Variants in DNAJC24 observed in about 807,000 individuals in gnomAD.
DNAJC24 encodes dnaJ homolog subfamily C member 24.
In DNAJC24, 17 loss-of-function variants were observed where a neutral mutation model predicts 18.0. The ratio of observed to expected loss-of-function variants is 0.94; its 90% CI spans 0.65 to 1.42. The LOEUF (loss-of-function observed/expected upper bound fraction) is 1.42, where lower values mean the gene tolerates loss of function less well. DNAJC24 is among the 40% of genes most tolerant of loss of function. The pLI is 0.00. For missense variants in DNAJC24, 158 were observed against 175.6 expected, an observed-to-expected ratio of 0.90 and a Z score of 0.57; for synonymous variants, 55 against 57.7, an observed-to-expected ratio of 0.95 and a Z score of 0.21.
chr11:31,431,485 G>A lies in DNAJC24; in HGVS notation c.*1084G>A, dbSNP rs1952923631. On this transcript the variant is annotated 3_prime_UTR_variant, in exon 5 of 5. Coordinates refer to ENST00000465995, the MANE Select transcript of DNAJC24 (RefSeq NM_181706.5). The stretch of plus-strand genomic sequence containing the variant: ...TTTAAAAATAATGACTTGGAAGTTG[G>A]TGCATTATTTCCCCTTTTATTTTGG... The A allele has an allele frequency of 6.6e-6, 1 of 150,514 alleles. No individual in the cohort carries two copies. Among genetic ancestry groups the A allele is most frequent in the African/African-American group, 2.4e-5 (1 of 41,046 alleles). The allele number at this position is 150,514 out of a possible 1,614,324, so 9.3% of individuals were successfully genotyped here.
rs1470174057 is a variant in DNAJC24, at chr11:31,432,521, G to A, written c.*2120G>A. The A allele has an allele frequency of 2.5e-6, 4 of 1,612,364 alleles. No individual in the cohort carries two copies. The East Asian group carries it at 6.7e-5, about 27-fold the overall frequency. On this transcript the variant is annotated 3_prime_UTR_variant, in exon 5 of 5. Coordinates refer to ENST00000465995, the MANE Select transcript of DNAJC24 (RefSeq NM_181706.5). ...CTTACTAATCATCAGAAAATCTGTG[G>A]CCATTAGGGCTGGCACGTAAAAATC...
chr11:31,398,556 TA>T (rs1952566915), intron 2 of DNAJC24, among the ~76,000 whole-genome samples: 1 of 152,240 alleles, frequency 6.6e-6, no homozygotes, highest in African/African-American at 2.4e-5. Context: ...GAAACAGTTT[TA>T]GCATTGATTC....
chr11:31,402,623 C>T (rs954123588), intron 2 of DNAJC24, among the ~76,000 whole-genome samples: 25 of 152,098 alleles, frequency 1.6e-4, no homozygotes, highest in Non-Finnish European at 2.1e-4. Flanking sequence ...CACCTCCCAC[C>T]TCAGCCTCTT....
chr11:31,426,095 A>G (rs1952858774), intron 3 of DNAJC24, among the ~76,000 whole-genome samples, 192 bp from the exon 4 acceptor site: 1 of 152,190 alleles, frequency 6.6e-6, no homozygotes, highest in African/African-American at 2.4e-5. Flanking sequence ...AAGAAATGTT[A>G]TGTTCTAGAT....
At chr11:31,395,056 G>A (rs1282686597) in intron 2 of DNAJC24, among the ~76,000 whole-genome samples, 3 of 152,022 alleles carry the variant, frequency 2.0e-5, no homozygotes, top group Non-Finnish European at 4.4e-5. Context: ...AGTAGGAACT[G>A]GTGTCTATTG....
At chr11:31,373,643 GC>G (rs1466588459) in intron 2 of DNAJC24, among the ~76,000 whole-genome samples, 1 of 134,710 alleles carries the variant, frequency 7.4e-6, no homozygotes, top group Non-Finnish European at 1.7e-5. Context: ...AAAAAATCTT[GC>G]TTGAGTTTTC....
At chr11:31,376,299 G>T (rs749876934) in intron 2 of DNAJC24, among the ~76,000 whole-genome samples, 32 of 152,150 alleles carry the variant, frequency 2.1e-4, no homozygotes, top group Non-Finnish European at 4.0e-4. Context: ...TTTATCTGCA[G>T]TGTGAAAATG....
At chr11:31,397,066 C>G (rs992657785) in intron 2 of DNAJC24, among the ~76,000 whole-genome samples, 31 of 152,178 alleles carry the variant, frequency 2.0e-4, no homozygotes, top group African/African-American at 7.2e-4. Flanking sequence ...CCCAACTTAT[C>G]CAAGTGAAAA....
chr11:31,370,496 A>G (rs998881845), intron 1 of DNAJC24, among the ~76,000 whole-genome samples: 4 of 152,134 alleles, frequency 2.6e-5, no homozygotes, highest in African/African-American at 9.7e-5. Context: ...ATTAAAGTAT[A>G]AATATATATC....
At chr11:31,371,647 T>C (rs1206628946) in intron 2 of DNAJC24, among the ~76,000 whole-genome samples, 7 of 152,130 alleles carry the variant, frequency 4.6e-5, no homozygotes. Context: ...ACTGGCTATT[T>C]TGTGTTTTAT....
intron 2 of DNAJC24, among the ~76,000 whole-genome samples, chr11:31,386,451 C>T (rs542146328): frequency 7.3e-6 from 1 of 136,724 alleles, no homozygotes; most frequent in Non-Finnish European, 1.6e-5. Context: ...CTGAGGCCCC[C>T]CATTCTAGGC....
chr11:31,383,481 A>G lies in DNAJC24; in HGVS notation c.111+12622A>G, dbSNP rs537084133. Among the ~76,000 whole-genome samples the G allele has an allele frequency of 3.3e-5, 5 of 152,350 alleles. No individual in the cohort carries two copies. The East Asian group carries it at 7.7e-4, about 23-fold the overall frequency. On this transcript the variant is annotated intron_variant, in intron 2 of 4. Transcript: ENST00000465995. ...TATTATAATATTATAGGTTATATTC[A>G]TGAAACTTCAGATACTGTACTTCAT...
At chr11:31,387,569 A>G (rs1232803727) in intron 2 of DNAJC24, among the ~76,000 whole-genome samples, 1 of 152,220 alleles carries the variant, frequency 6.6e-6, no homozygotes, top group African/African-American at 2.4e-5. Flanking sequence ...ATGAAGATAT[A>G]CGAGCAGTGA....
intron 2 of DNAJC24, chr11:31,408,210 G>A (rs1359558996): frequency 4.4e-6 from 2 of 456,020 alleles, no homozygotes; most frequent in African/African-American, 4.0e-5. Context: ...ACTTGCCCAT[G>A]AATTCCTTGT....
At chr11:31,375,008 A>G (rs181020312) in intron 2 of DNAJC24, among the ~76,000 whole-genome samples, 1 of 133,910 alleles carries the variant, frequency 7.5e-6, no homozygotes, top group East Asian at 2.0e-4. Flanking sequence ...ACTATCAAGG[A>G]ATTTTCAGAG....
Position 31,407,991 on chromosome 11 carries a change from G to T in DNAJC24, c.112-6820G>T. On this transcript the variant is annotated intron_variant, in intron 2 of 4. Transcript: ENST00000465995. ...AGCATCTTCATCTGTGACATAAGAT[G>T]GTATCAATACAAACAGTGGAATGAA... 9 of 412,390 alleles carry T rather than the reference G, an allele frequency of 2.2e-5. 1 individual carries two copies. Among genetic ancestry groups the T allele is most frequent in the South Asian group, 1.6e-4 (9 of 55,428 alleles). 25.5% of individuals were successfully genotyped at this position (412,390 alleles called of 1,614,324 possible). A position where few individuals can be genotyped will look rare whatever the true frequency, so the allele number is the denominator to read the frequency against.
At chr11:31,384,831 A>G (rs904938633) in intron 2 of DNAJC24, 1 of 152,156 alleles carries the variant, frequency 6.6e-6, no homozygotes, top group African/African-American at 2.4e-5. Context: ...GAGAGCTTCA[A>G]ATAGTGTTCC....
chr11:31,397,152 T>G (rs533201619), intron 2 of DNAJC24, among the ~76,000 whole-genome samples: 32 of 152,334 alleles, frequency 2.1e-4, no homozygotes, highest in African/African-American at 7.7e-4. Flanking sequence ...ATGCCTACTC[T>G]TTACCACTAG....
chr11:31,400,698 C>G (rs1218388104), intron 2 of DNAJC24, among the ~76,000 whole-genome samples: 1 of 152,200 alleles, frequency 6.6e-6, no homozygotes, highest in Admixed American at 6.5e-5. Context: ...AAACTGGACC[C>G]CTTCCTTACA....
Sources: allele counts gnomAD v4.1 joint callset (sites outside exome capture counted in the v4.1 genomes callset), GRCh38; gene constraint gnomAD v4.1.1; transcripts MANE v1.5; gene names NCBI Gene and HGNC (gene_info 2026-07-23, HGNC 2026-07-21).